The following RNF220 variants were observed in gnomAD, a reference collection of about 807,000 sequenced individuals.
RNF220 encodes ring finger protein 220.
RNF220 carries 7 observed loss-of-function variants against 67.1 expected under a neutral mutation model. That is an observed-to-expected ratio of 0.10 (90% CI 0.06 to 0.20). RNF220 has a LOEUF of 0.20. RNF220 is among the 10% of genes least tolerant of loss of function. The pLI is 1.00. For synonymous variants in RNF220, 270 were observed against 283.2 expected, an observed-to-expected ratio of 0.95 and a Z score of 0.47; for missense variants, 565 against 740.3, an observed-to-expected ratio of 0.76 and a Z score of 2.75.
At chr1:44,583,190 C>G (rs1264519422) in intron 2 of RNF220, among the ~76,000 whole-genome samples, 1 of 151,110 alleles carries the variant, frequency 6.6e-6, no homozygotes, top group Non-Finnish European at 1.5e-5. Context: ...ATCAGTTTCT[C>G]TTTTGAATTT....
At chr1:44,511,849 A>C (rs745591600) in intron 2 of RNF220, among the ~76,000 whole-genome samples, 4 of 152,116 alleles carry the variant, frequency 2.6e-5, no homozygotes, top group Non-Finnish European at 5.9e-5. Context: ...TTGGAACTAG[A>C]TACAATGAAA....
intron 2 of RNF220, among the ~76,000 whole-genome samples, chr1:44,533,117 G>A (rs948537195): frequency 6.6e-6 from 1 of 152,218 alleles, no homozygotes; most frequent in African/African-American, 2.4e-5. Context: ...GGAAAGAACT[G>A]CCCAGCTTTG....
chr1:44,568,080 C>T (rs1298494171), intron 2 of RNF220, among the ~76,000 whole-genome samples: 1 of 152,212 alleles, frequency 6.6e-6, no homozygotes, highest in African/African-American at 2.4e-5. Context: ...ATTCTGGTTC[C>T]TCCTAGAGTC....
At chr1:44,454,226 G>T (rs1397469028) in intron 2 of RNF220, among the ~76,000 whole-genome samples, 1 of 152,110 alleles carries the variant, frequency 6.6e-6, no homozygotes, top group African/African-American at 2.4e-5. Flanking sequence ...TGTGTTGAAG[G>T]TAGAACTCAT....
chr1:44,469,505 G>C (rs1213258777), intron 2 of RNF220, among the ~76,000 whole-genome samples: 1 of 152,100 alleles, frequency 6.6e-6, no homozygotes. Context: ...ATTTCCTCTT[G>C]GGACACAGTC....
intron 2 of RNF220, chr1:44,419,435 A>G (rs948765531): frequency 6.6e-6 from 1 of 152,240 alleles, no homozygotes; most frequent in African/African-American, 2.4e-5. Context: ...ATGCTAAGTA[A>G]ACAGAAGGAA....
chr1:44,511,491 C>G (rs1005082214), intron 2 of RNF220, among the ~76,000 whole-genome samples: 3 of 152,132 alleles, frequency 2.0e-5, no homozygotes, highest in African/African-American at 7.2e-5. Context: ...ATGCTCAGCT[C>G]ATTTTTTAGA....
At chr1:44,508,402 T>C (rs916530917) in intron 2 of RNF220, among the ~76,000 whole-genome samples, 9 of 152,010 alleles carry the variant, frequency 5.9e-5, no homozygotes, top group Non-Finnish European at 1.3e-4. Context: ...ATGGAAATCT[T>C]TTTCACCTCT....
intron 2 of RNF220, among the ~76,000 whole-genome samples, chr1:44,560,679 A>T (rs1413496201): frequency 6.6e-6 from 1 of 152,216 alleles, no homozygotes; most frequent in African/African-American, 2.4e-5. Flanking sequence ...CTCCTGCCTC[A>T]GCCACCCAAG....
chr1:44,412,722 T>C lies in RNF220; in HGVS notation c.625T>C (p.Cys209Arg), dbSNP rs1002702705. Residue 209 changes from cysteine to arginine, a missense_variant and splice_region_variant, in exon 2 of 15, where the codon TGT (cysteine) becomes CGT (arginine). Coordinates refer to ENST00000361799, the MANE Select transcript of RNF220 (RefSeq NM_018150.4). This position sits in a 1 kb window ranked among gnomAD's most constrained non-coding sequence, Gnocchi z 5.3. ...TAGCCCAGAGGATCGGAATGACAGA[T>C]GTAAGTACTTTGGTTCCAGCCCTCC... is the stretch of plus-strand genomic sequence containing the variant. Reference protein sequence around the residue: ...SSSPEDRNDRCKKKAAALFDS... With the variant: ...SSSPEDRNDRRKKKAAALFDS... 7 of 1,612,494 alleles carry C rather than the reference T, an allele frequency of 4.3e-6. No individual in the cohort carries two copies. The highest frequency in any genetic ancestry group is 5.1e-6 in the Non-Finnish European group (6 of 1,178,964).
chr1:44,434,703 C>G (rs1456421479), intron 2 of RNF220, among the ~76,000 whole-genome samples: 1 of 134,836 alleles, frequency 7.4e-6, no homozygotes, highest in Non-Finnish European at 1.6e-5. Flanking sequence ...GGCGACAGAG[C>G]GAGACTCTCT....
chr1:44,471,646 A>C (rs550971757), intron 2 of RNF220, among the ~76,000 whole-genome samples: 3 of 152,214 alleles, frequency 2.0e-5, no homozygotes, highest in Admixed American at 2.0e-4. Context: ...TAACATGATG[A>C]AACCCTGTTT....
Position 44,650,183 on chromosome 1 carries a change from T to A in RNF220, c.1629+226T>A. ...CCCCCTCCATGAGTTCACTGCATTC[T>A]CCCTTCCCCGCCCCGGTCCCCGAAG... is the stretch of plus-strand genomic sequence containing the variant. On this transcript the variant is annotated intron_variant, in intron 14 of 14. Transcript: ENST00000361799. This position sits in a 1 kb window ranked among gnomAD's most constrained non-coding sequence, Gnocchi z 4.3. The A allele has an allele frequency of 1.7e-6, 1 of 593,796 alleles. No homozygotes were observed. Among genetic ancestry groups the A allele is most frequent in the South Asian group, 2.0e-5 (1 of 49,980 alleles). The allele number at this position is 593,796 out of a possible 1,614,324, so 36.8% of individuals were successfully genotyped here. A position where few individuals can be genotyped will look rare whatever the true frequency, so the allele number is the denominator to read the frequency against.
intron 2 of RNF220, among the ~76,000 whole-genome samples, chr1:44,536,927 G>A (rs1661270968): frequency 6.6e-6 from 1 of 152,114 alleles, no homozygotes; most frequent in African/African-American, 2.4e-5. Flanking sequence ...AAATGGCAGA[G>A]CAAACAGTCC....
chr1:44,630,080 C>T (rs1208778224), intron 5 of RNF220, among the ~76,000 whole-genome samples: 1 of 151,302 alleles, frequency 6.6e-6, no homozygotes, highest in Non-Finnish European at 1.5e-5. Context: ...GCCTTGAAAC[C>T]AGGGGGTATT....
intron 2 of RNF220, among the ~76,000 whole-genome samples, chr1:44,522,764 C>G (rs999094531): frequency 6.6e-6 from 1 of 152,194 alleles, no homozygotes; most frequent in African/African-American, 2.4e-5. Flanking sequence ...GAAACTCGAT[C>G]TTAGTTTATA....
chr1:44,466,429 C>G (rs1195213106), intron 2 of RNF220, among the ~76,000 whole-genome samples: 1 of 152,224 alleles, frequency 6.6e-6, no homozygotes, highest in East Asian at 1.9e-4. Flanking sequence ...TTGGCCCCCT[C>G]CCATGAATCA....
chr1:44,616,523 T>C (rs939425476), intron 3 of RNF220, among the ~76,000 whole-genome samples: 3 of 152,084 alleles, frequency 2.0e-5, no homozygotes, highest in African/African-American at 7.3e-5. Context: ...AGCTAGTAAG[T>C]GATGAAGATA....
rs186267077 is a variant in RNF220 at position 44,496,048 on chromosome 1, G to A, written c.625+83326G>A. Among the ~76,000 whole-genome samples, 128 of 152,218 alleles carry A rather than the reference G, an allele frequency of 8.4e-4. 2 individuals carry two copies. In the South Asian group the frequency reaches 0.015, roughly 17 times the overall value. ...TTACACTGAATCCTAAAGACTACGG[G>A]AAGCTACTGAAGAGGGGCAGAACAT... On this transcript the variant is annotated intron_variant, in intron 2 of 14. Transcript: ENST00000361799.
Sources: allele counts gnomAD v4.1 joint callset (sites outside exome capture counted in the v4.1 genomes callset), GRCh38; gene constraint gnomAD v4.1.1; non-coding constraint Gnocchi (gnomAD v3.1); transcripts MANE v1.5; gene names NCBI Gene and HGNC (gene_info 2026-07-23, HGNC 2026-07-21).